The following PEBP4 variants were observed in gnomAD, a reference collection of about 807,000 sequenced individuals.
PEBP4 encodes phosphatidylethanolamine-binding protein 4.
PEBP4 carries 22 observed loss-of-function variants against 23.9 expected under a neutral mutation model. The ratio of observed to expected loss-of-function variants is 0.92; its 90% CI spans 0.66 to 1.31. The LOEUF (loss-of-function observed/expected upper bound fraction) is 1.31, where lower values mean the gene tolerates loss of function less well. PEBP4 is among the 40% of genes most tolerant of loss of function. The pLI is 0.00. For missense variants in PEBP4, 324 were observed against 281.7 expected (o/e 1.15, Z -1.07); for synonymous variants, 112 against 99.3 (o/e 1.13, Z -0.76).
chr8:22,808,205 C>T (rs1333768928), intron 4 of PEBP4, among the ~76,000 whole-genome samples: 1 of 151,926 alleles, frequency 6.6e-6, no homozygotes, highest in African/African-American at 2.4e-5. Context: ...TCCATCCATC[C>T]ACCCACCCAT....
In PEBP4 at chr8:22,736,504, G is replaced by A. The variant is rs148095329; in HGVS notation, c.358-9284C>T. On this transcript the variant is annotated intron_variant, in intron 4 of 6. Coordinates refer to ENST00000256404, the MANE Select transcript of PEBP4 (RefSeq NM_144962.3). The stretch of plus-strand genomic sequence containing the variant: ...TCCTGTAGTCCTGGCTACTAGGGAG[G>A]CTGAAGTGGGAGGATTGCTTCAGCT... Among the ~76,000 whole-genome samples the A allele has an allele frequency of 5.2e-3, 799 of 152,262 alleles. 6 individuals carry two copies. The highest frequency in any genetic ancestry group is 0.016 in the African/African-American group (668 of 41,546).
chr8:22,763,864 GCA>G (rs1423460240), intron 4 of PEBP4, among the ~76,000 whole-genome samples: 2 of 152,136 alleles, frequency 1.3e-5, no homozygotes, highest in African/African-American at 2.4e-5. Flanking sequence ...TTCATTCATT[GCA>G]CAGTTTTGCT....
intron 3 of PEBP4, chr8:22,879,492 G>A (rs1430519455): frequency 6.6e-6 from 1 of 152,250 alleles, no homozygotes; most frequent in Non-Finnish European, 1.5e-5. Flanking sequence ...AACATCAAAA[G>A]AGGGAAAGAA....
At chr8:22,804,514 C>T (rs1303556238) in intron 4 of PEBP4, among the ~76,000 whole-genome samples, 1 of 149,786 alleles carries the variant, frequency 6.7e-6, no homozygotes, top group Non-Finnish European at 1.5e-5. Context: ...ACACGAGATC[C>T]ACCCTCTTTA....
At chr8:22,728,537 T>C (rs1255646278) in intron 4 of PEBP4, among the ~76,000 whole-genome samples, 1 of 118,334 alleles carries the variant, frequency 8.5e-6, no homozygotes, top group Admixed American at 9.1e-5. Flanking sequence ...TGCTTCTTTC[T>C]TCCTTCCTTT....
At chr8:22,809,816 G>A (rs933125650) in intron 4 of PEBP4, among the ~76,000 whole-genome samples, 1 of 152,156 alleles carries the variant, frequency 6.6e-6, no homozygotes, top group Non-Finnish European at 1.5e-5. Flanking sequence ...ATGGATATGA[G>A]CTACAGGAAG....
chr8:22,718,250 A>C (rs1440068588), intron 6 of PEBP4, among the ~76,000 whole-genome samples: 2 of 152,136 alleles, frequency 1.3e-5, no homozygotes, highest in Non-Finnish European at 2.9e-5. Flanking sequence ...CTAATTATCC[A>C]GCCAGTGCAT....
At chr8:22,780,063 C>T (rs756641284) in intron 4 of PEBP4, among the ~76,000 whole-genome samples, 12 of 152,192 alleles carry the variant, frequency 7.9e-5, no homozygotes, top group Non-Finnish European at 1.8e-4. Context: ...ATCCTCCCAC[C>T]TCAGCCCCTG....
intron 3 of PEBP4, among the ~76,000 whole-genome samples, chr8:22,908,836 T>C (rs1490828353): frequency 6.6e-6 from 1 of 152,236 alleles, no homozygotes; most frequent in Non-Finnish European, 1.5e-5. Context: ...CGCTCAGTGC[T>C]GGGCCTTCTT....
intron 4 of PEBP4, 51 bp downstream of exon 4, chr8:22,817,586 C>T (rs376808891): frequency 6.5e-7 from 1 of 1,532,826 alleles, no homozygotes; most frequent in Non-Finnish European, 9.0e-7. Context: ...GAATGATAAT[C>T]TTCCAGATAC....
intron 4 of PEBP4, among the ~76,000 whole-genome samples, chr8:22,746,080 C>T (rs1163067564): frequency 1.1e-4 from 16 of 152,056 alleles, no homozygotes; most frequent in Non-Finnish European, 1.8e-4. Context: ...GCACCCATCT[C>T]GTGGCAGGAG....
intron 4 of PEBP4, among the ~76,000 whole-genome samples, chr8:22,777,385 A>G (rs1251017561): frequency 6.6e-6 from 1 of 152,090 alleles, no homozygotes; most frequent in Non-Finnish European, 1.5e-5. Flanking sequence ...GGCCCTTCTA[A>G]GCTGTGAGAG....
intron 3 of PEBP4, among the ~76,000 whole-genome samples, chr8:22,856,685 T>C (rs1807659941): frequency 6.6e-6 from 1 of 152,078 alleles, no homozygotes; most frequent in East Asian, 1.9e-4. Flanking sequence ...CATTGCACTC[T>C]AGCCTGGGCA....
At chr8:22,716,713 G>C (rs1038192764) in intron 6 of PEBP4, among the ~76,000 whole-genome samples, 1 of 152,210 alleles carries the variant, frequency 6.6e-6, no homozygotes, top group South Asian at 2.1e-4. Flanking sequence ...AGGCATCTGA[G>C]AGACTGAGAG....
intron 4 of PEBP4, among the ~76,000 whole-genome samples, chr8:22,803,832 C>T (rs992290482): frequency 5.3e-5 from 8 of 152,270 alleles, no homozygotes; most frequent in East Asian, 3.9e-4. Context: ...GGGCCATCCT[C>T]GCACCATCCT....
intron 4 of PEBP4, among the ~76,000 whole-genome samples, chr8:22,730,952 C>T (rs1471621826): frequency 6.6e-6 from 1 of 152,162 alleles, no homozygotes; most frequent in Non-Finnish European, 1.5e-5. Flanking sequence ...CTCACACCTT[C>T]GGCCTCCTCA....
intron 3 of PEBP4, 65 bp from the exon 4 acceptor site, chr8:22,817,800 G>C: frequency 6.9e-7 from 1 of 1,446,352 alleles, no homozygotes; most frequent in African/African-American, 1.4e-5. Flanking sequence ...CCACGGGGCA[G>C]ACCTCCTTTT....
intron 4 of PEBP4, among the ~76,000 whole-genome samples, chr8:22,807,308 C>A (rs1806517570): frequency 6.6e-6 from 1 of 152,166 alleles, no homozygotes; most frequent in Non-Finnish European, 1.5e-5. Context: ...AGCAGGAGAA[C>A]ACGAGGGTTG....
chr8:22,929,075 AAT>A (rs1809412047), upstream of PEBP4, among the ~76,000 whole-genome samples: 3 of 152,230 alleles, frequency 2.0e-5, no homozygotes, highest in Non-Finnish European at 4.4e-5. Context: ...GACAGAGTCT[AAT>A]AGTAGCCTCC....
Sources: allele counts gnomAD v4.1 joint callset (sites outside exome capture counted in the v4.1 genomes callset), GRCh38; gene constraint gnomAD v4.1.1; transcripts MANE v1.5; gene names NCBI Gene and HGNC (gene_info 2026-07-23, HGNC 2026-07-21).